Variants in RAPGEF6 observed in about 807,000 individuals in gnomAD.
RAPGEF6 encodes the protein Rap guanine nucleotide exchange factor 6.
RAPGEF6 carries 56 observed loss-of-function variants against 171.4 expected under a neutral mutation model. That is an observed-to-expected ratio of 0.33 (90% CI 0.26 to 0.41). The LOEUF (loss-of-function observed/expected upper bound fraction) is 0.41. Ranked by LOEUF, RAPGEF6 falls within the 10% of genes least tolerant of loss-of-function variation. The probability of loss-of-function intolerance (pLI) is 1.00; values close to 1 mark genes in which losing one functional copy is unlikely to be tolerated. For synonymous variants in RAPGEF6, 692 were observed against 650.1 expected (o/e 1.06, Z -0.98); for missense variants, 1,674 against 1,921.4 (o/e 0.87, Z 2.41).
At chr5:131,428,751 T>G (rs1238401438) in intron 27 of RAPGEF6, 151 bp downstream of exon 27, 17 of 875,124 alleles carry the variant, frequency 1.9e-5, no homozygotes, top group Non-Finnish European at 2.9e-5. Flanking sequence ...TGTGAGCCAC[T>G]GCACCCTGCC....
At chr5:131,626,700 TAACTC>T (rs1483046735) in intron 1 of RAPGEF6, among the ~76,000 whole-genome samples, 1 of 152,126 alleles carries the variant, frequency 6.6e-6, no homozygotes, top group African/African-American at 2.4e-5. Context: ...GGACCATGTC[TAACTC>T]CTCTCTACAA....
intron 6 of RAPGEF6, 76 bp from the exon 7 acceptor site, chr5:131,521,597 AT>A: frequency 7.3e-7 from 1 of 1,367,824 alleles, no homozygotes; most frequent in African/African-American, 1.5e-5. Flanking sequence ...TGTTCAACAA[AT>A]TTTTATGTAC....
At chr5:131,541,517 C>CTT (rs972647495) in intron 6 of RAPGEF6, among the ~76,000 whole-genome samples, 1 of 147,338 alleles carries the variant, frequency 6.8e-6, no homozygotes. Context: ...TTTCTTTTTA[C>CTT]TTTTTTTTTT....
chr5:131,587,342 A>C (rs534843925), intron 4 of RAPGEF6, among the ~76,000 whole-genome samples: 11 of 152,342 alleles, frequency 7.2e-5, no homozygotes, highest in African/African-American at 2.6e-4. Context: ...ATACATATCC[A>C]CAGGCCAAAA....
At chr5:131,584,066 T>C (rs1763112207) in intron 4 of RAPGEF6, among the ~76,000 whole-genome samples, 2 of 152,196 alleles carry the variant, frequency 1.3e-5, no homozygotes, top group East Asian at 1.9e-4. Flanking sequence ...GTTTACAAAG[T>C]GGCATGAGGA....
rs895847809 is a variant in RAPGEF6 at position 131,491,714 on chromosome 5, A to G, written c.1731+868T>C. On this transcript the variant is annotated intron_variant, in intron 14 of 27. Coordinates refer to ENST00000509018, the MANE Select transcript of RAPGEF6 (RefSeq NM_016340.6). Reference sequence around the variant, plus strand: ...ACTGCAAATGCAAGGGATCTAGGGCACTCCTTATGAAAATTTAATGTCTGA... The same window carrying G: ...ACTGCAAATGCAAGGGATCTAGGGCGCTCCTTATGAAAATTTAATGTCTGA... Among the ~76,000 whole-genome samples the G allele has an allele frequency of 2.6e-4, 40 of 152,002 alleles. 1 individual carries two copies. Among genetic ancestry groups the G allele is most frequent in the Non-Finnish European group, 5.9e-5 (4 of 67,994 alleles).
chr5:131,621,402 A>G lies in RAPGEF6; in HGVS notation c.69+13560T>C, dbSNP rs539697674. 3.3e-5 allele frequency among the ~76,000 whole-genome samples: 5 copies of G among 151,970 alleles called. No homozygotes were observed. In the South Asian group the frequency reaches 1.0e-3, roughly 32 times the overall value. On this transcript the variant is annotated intron_variant, in intron 1 of 27. Coordinates refer to ENST00000509018, the MANE Select transcript of RAPGEF6 (RefSeq NM_016340.6). ...CCTCCTGGGCTCATGCGATCCTCTC[A>G]TCTCAGCCTCCTGAGTAGCTGGCAT...
In RAPGEF6 at chr5:131,524,594, G is replaced by C. The variant is rs548426866; in HGVS notation, c.496-3073C>G. Reference sequence around the variant, plus strand: ...GAGGAGGAGAGAGAGGGAGAGGGAGGGGGGAGAGAGAGATTGAGAGAGAGA... The same window carrying C: ...GAGGAGGAGAGAGAGGGAGAGGGAGCGGGGAGAGAGAGATTGAGAGAGAGA... On this transcript the variant is annotated intron_variant, in intron 6 of 27. Transcript: ENST00000509018. Among the ~76,000 whole-genome samples, 50 of 116,942 alleles carry C rather than the reference G, an allele frequency of 4.3e-4. 1 individual carries two copies. The South Asian group carries it at 0.014, about 33-fold the overall frequency. The allele number at this position is 116,942 out of a possible 152,430, so 76.7% of individuals were successfully genotyped here. A position where few individuals can be genotyped will look rare whatever the true frequency, so the allele number is the denominator to read the frequency against.
At position 131,635,228 on chromosome 5, in the gene RAPGEF6, C is replaced by G. The variant is rs1349879765; in HGVS notation, c.-198G>C. On this transcript the variant is annotated 5_prime_UTR_variant, in exon 1 of 28. Coordinates refer to ENST00000509018, the MANE Select transcript of RAPGEF6 (RefSeq NM_016340.6). Reference sequence around the variant, plus strand: ...CACGCGCGACTGGCCGGAGACAAGTCTGCGCGGGGGCGGGGGAGAGTAAGT... The same window carrying G: ...CACGCGCGACTGGCCGGAGACAAGTGTGCGCGGGGGCGGGGGAGAGTAAGT... 1 of 559,794 alleles carries G rather than the reference C, an allele frequency of 1.8e-6. No individual in the cohort carries two copies. The highest frequency in any genetic ancestry group is 1.9e-5 in the African/African-American group (1 of 52,052). The allele number at this position is 559,794 out of a possible 1,614,324, so 34.7% of individuals were successfully genotyped here. A position where few individuals can be genotyped will look rare whatever the true frequency, so the allele number is the denominator to read the frequency against.
chr5:131,633,033 G>A (rs145737254), intron 1 of RAPGEF6, among the ~76,000 whole-genome samples: 116 of 152,172 alleles, frequency 7.6e-4, no homozygotes, highest in Middle Eastern at 3.4e-3. Context: ...ATTTCCTAAG[G>A]CTCAAAAATA....
intron 4 of RAPGEF6, among the ~76,000 whole-genome samples, chr5:131,577,801 C>G (rs1448571418): frequency 6.6e-6 from 1 of 152,196 alleles, no homozygotes; most frequent in African/African-American, 2.4e-5. Context: ...GTACTCTCCC[C>G]TACTTCCCTT....
chr5:131,577,469 C>A (rs1373456597), intron 4 of RAPGEF6, among the ~76,000 whole-genome samples: 1 of 152,180 alleles, frequency 6.6e-6, no homozygotes, highest in African/African-American at 2.4e-5. Flanking sequence ...GCCTCAATCT[C>A]GTGCCAGACA....
rs752515177 is a variant in RAPGEF6, at chr5:131,464,278, A to G, written c.2243T>C (p.Ile748Thr). The G allele has an allele frequency of 1.2e-6, 2 of 1,608,246 alleles. No individual in the cohort carries two copies. Among genetic ancestry groups the G allele is most frequent in the Admixed American group, 1.7e-5 (1 of 59,562 alleles). ...SMLDFSNPSD[I>T]PDQVIRVFKV... ...GAAAACTCTTATAACTTGATCAGGG[A>G]TATCTACATAAATAGAAAGATATGC... Residue 748 changes from isoleucine (I) to threonine (T), a missense_variant, in exon 18 of 28, where the codon ATC becomes ACC. By Grantham distance (89) the Ile-to-Thr change is moderately conservative. Around this residue, in one of 3 missense-constraint regions of RAPGEF6, gnomAD observed 1,116 missense variants for 1,321.5 expected, o/e 0.84. Transcript: ENST00000509018.
In RAPGEF6 at chr5:131,492,700, C is replaced by T. The variant is rs368164117; in HGVS notation, c.1613G>A (p.Arg538His). Residue 538 changes from arginine to histidine, a missense_variant, in exon 14 of 28, where the codon CGC (arginine) becomes CAC (histidine). Physicochemically the swap from Arg to His is conservative, Grantham distance 29. This residue lies in a region of RAPGEF6 where 1,116 missense variants were observed against 1,321.5 expected (regional missense o/e 0.84). Coordinates refer to ENST00000509018, the MANE Select transcript of RAPGEF6 (RefSeq NM_016340.6). Reference sequence around the variant, plus strand: ...AAGGCTGAATTGTAGAGGGGACTCGCGGGAAGCCTTTTGCAGCACAACCTG... The same window carrying T: ...AAGGCTGAATTGTAGAGGGGACTCGTGGGAAGCCTTTTGCAGCACAACCTG... Reference protein sequence around the residue: ...WRQVVLQKASRESPLQFSLNG... With the variant: ...WRQVVLQKASHESPLQFSLNG... The T allele has an allele frequency of 1.4e-5, 23 of 1,614,070 alleles. No homozygotes were observed. Among genetic ancestry groups the T allele is most frequent in the Non-Finnish European group, 1.8e-5 (21 of 1,179,968 alleles).
intron 21 of RAPGEF6, among the ~76,000 whole-genome samples, chr5:131,450,362 T>A (rs1013168951): frequency 2.6e-5 from 4 of 152,170 alleles, no homozygotes; most frequent in Non-Finnish European, 5.9e-5. Context: ...TACTATAATA[T>A]AAATTTTGAA....
At chr5:131,556,334 G>A (rs1015752113) in intron 5 of RAPGEF6, among the ~76,000 whole-genome samples, 28 of 152,238 alleles carry the variant, frequency 1.8e-4, no homozygotes, top group African/African-American at 6.7e-4. Context: ...AGCTACTCGG[G>A]AGGCTGAGGT....
intron 4 of RAPGEF6, among the ~76,000 whole-genome samples, chr5:131,566,800 G>A (rs1761973979): frequency 6.6e-6 from 1 of 150,500 alleles, no homozygotes; most frequent in African/African-American, 2.5e-5. Flanking sequence ...TTTATTGATA[G>A]CAAGTTGATC....
intron 5 of RAPGEF6, among the ~76,000 whole-genome samples, chr5:131,554,548 C>T (rs1761113811): frequency 6.6e-6 from 1 of 152,186 alleles, no homozygotes; most frequent in Non-Finnish European, 1.5e-5. Flanking sequence ...GAGACATAAT[C>T]TCACCCTGTT....
At chr5:131,502,995 G>T (rs898454306) in intron 11 of RAPGEF6, among the ~76,000 whole-genome samples, 5 of 152,072 alleles carry the variant, frequency 3.3e-5, no homozygotes, top group African/African-American at 9.7e-5. Flanking sequence ...TAGAAATAGG[G>T]TTTCACCATG....
Sources: gnomAD v4.1 joint callset for allele counts (sites outside exome capture counted in the v4.1 genomes callset) on GRCh38, gnomAD v4.1.1 for gene constraint, gnomAD v4.1.1 regional missense constraint, MANE v1.5 for transcripts, NCBI Gene and HGNC (gene_info 2026-07-23, HGNC 2026-07-21) for gene names.